Variants in FBXL17 observed in about 807,000 individuals in gnomAD.
The protein encoded by FBXL17 is F-box and leucine rich repeat protein 17, also known as F-box/LRR-repeat protein 17.
A neutral mutation model predicts 66.2 loss-of-function variants in FBXL17; 22 were observed. The observed-to-expected ratio is 0.33, with a 90% CI of 0.24 to 0.47. The LOEUF is 0.47. Ranked by LOEUF, FBXL17 falls within the 20% of genes least tolerant of loss-of-function variation. The probability of loss-of-function intolerance (pLI) is 1.00; values close to 1 mark genes in which losing one functional copy is unlikely to be tolerated. For missense variants in FBXL17, 878 were observed against 948.2 expected (o/e 0.93, Z 0.97); for synonymous variants, 474 against 400.5 (o/e 1.18, Z -2.19).
Position 108,154,605 on chromosome 5 carries a change from AAAT to A in FBXL17, c.1745+31509_1745+31511del, listed in dbSNP as rs1459389638. On this transcript the variant is annotated intron_variant, in intron 6 of 8. Coordinates refer to ENST00000542267, the MANE Select transcript of FBXL17 (RefSeq NM_001163315.3). ...AACTCAGTTTCAAAAAAAAAAAAAA[AAAT>A]ATATATATACACACACACACACACA... Among the ~76,000 whole-genome samples, 31 of 105,224 alleles carry A rather than the reference AAAT, an allele frequency of 2.9e-4. 1 individual carries two copies. The highest frequency in any genetic ancestry group is 1.3e-3 in the African/African-American group (31 of 24,664). 69.0% of individuals were successfully genotyped at this position (105,224 alleles called of 152,430 possible).
At chr5:108,269,345 C>T (rs1757171976) in intron 4 of FBXL17, among the ~76,000 whole-genome samples, 1 of 151,978 alleles carries the variant, frequency 6.6e-6, no homozygotes, top group South Asian at 2.1e-4. Flanking sequence ...GTTATGCAAG[C>T]GTTCAATCTT....
chr5:108,323,859 G>A (rs1474217461), intron 4 of FBXL17, among the ~76,000 whole-genome samples: 1 of 152,030 alleles, frequency 6.6e-6, no homozygotes, highest in East Asian at 1.9e-4. Flanking sequence ...TCAACAAATG[G>A]TGCTGGGAAA....
chr5:107,956,207 T>G (rs1288036264), intron 7 of FBXL17, among the ~76,000 whole-genome samples: 1 of 152,228 alleles, frequency 6.6e-6, no homozygotes, highest in Non-Finnish European at 1.5e-5. Context: ...AATAATTTTA[T>G]TAATATCTTT....
At chr5:107,900,867 A>G (rs1211225256) in intron 7 of FBXL17, among the ~76,000 whole-genome samples, 2 of 152,180 alleles carry the variant, frequency 1.3e-5, no homozygotes, top group African/African-American at 2.4e-5. Flanking sequence ...CAATGTACTT[A>G]ATTTCTTGAA....
chr5:108,368,915 T>TAA (rs373667446), intron 1 of FBXL17, among the ~76,000 whole-genome samples: 41,667 of 142,862 alleles, frequency 0.29, 6,461 homozygotes, highest in Middle Eastern at 0.37. Context: ...TACAAGGATT[T>TAA]AAAAAAAAAA....
At chr5:107,875,770 A>C (rs748217825) in intron 8 of FBXL17, among the ~76,000 whole-genome samples, 5 of 152,246 alleles carry the variant, frequency 3.3e-5, no homozygotes, top group Non-Finnish European at 7.3e-5. Flanking sequence ...GGGGCAGGTA[A>C]GGAGAAAGGT....
At chr5:108,048,575 G>A (rs2112817543) in intron 6 of FBXL17, among the ~76,000 whole-genome samples, 1 of 152,312 alleles carries the variant, frequency 6.6e-6, no homozygotes, top group Admixed American at 6.5e-5. Flanking sequence ...GGTTAGAGGA[G>A]CTGCTAACTA....
chr5:107,967,455 T>C (rs191596159), intron 7 of FBXL17, among the ~76,000 whole-genome samples: 95 of 146,130 alleles, frequency 6.5e-4, no homozygotes, highest in Non-Finnish European at 1.2e-3. Context: ...AAACAACATT[T>C]TCACTCATAG....
chr5:107,958,489 G>A (rs1751756210), intron 7 of FBXL17, among the ~76,000 whole-genome samples: 1 of 152,150 alleles, frequency 6.6e-6, no homozygotes, highest in Non-Finnish European at 1.5e-5. Flanking sequence ...AGAAAGAAAA[G>A]CTTAAATTAT....
At chr5:108,151,713 G>C (rs1038265305) in intron 6 of FBXL17, among the ~76,000 whole-genome samples, 1 of 152,126 alleles carries the variant, frequency 6.6e-6, no homozygotes, top group Non-Finnish European at 1.5e-5. Flanking sequence ...AAAATGGAAA[G>C]GCAATTTACA....
Position 107,908,281 on chromosome 5 carries a change from T to G in FBXL17, c.1823-27102A>C, listed in dbSNP as rs1749829115. Among the ~76,000 whole-genome samples the G allele has an allele frequency of 1.3e-5, 2 of 152,186 alleles. 1 individual carries two copies. Among genetic ancestry groups the G allele is most frequent in the Non-Finnish European group, 2.9e-5 (2 of 68,026 alleles). Reference sequence around the variant, plus strand: ...GATGTATTTTGGTTATTTAGTCAAGTTAGGTTATTTGCTAATTTCTCCAAT... The same window carrying G: ...GATGTATTTTGGTTATTTAGTCAAGGTAGGTTATTTGCTAATTTCTCCAAT... On this transcript the variant is annotated intron_variant, in intron 7 of 8. Transcript: ENST00000542267.
intron 4 of FBXL17, among the ~76,000 whole-genome samples, chr5:108,301,750 A>G (rs1050562651): frequency 6.6e-6 from 1 of 151,812 alleles, no homozygotes; most frequent in Non-Finnish European, 1.5e-5. Flanking sequence ...ACCAAGAGAC[A>G]GGATTTTTCC....
At chr5:107,944,422 A>T (rs900296297) in intron 7 of FBXL17, among the ~76,000 whole-genome samples, 1 of 152,172 alleles carries the variant, frequency 6.6e-6, no homozygotes, top group Non-Finnish European at 1.5e-5. Context: ...CCATCTTAAC[A>T]TTTCAAAGTT....
intron 7 of FBXL17, among the ~76,000 whole-genome samples, chr5:107,982,413 G>A (rs1012044588): frequency 8.6e-5 from 13 of 151,766 alleles, no homozygotes; most frequent in Non-Finnish European, 1.3e-4. Flanking sequence ...TATGAAGTGA[G>A]TACTCTTTGC....
At chr5:108,271,148 C>T (rs1757252121) in intron 4 of FBXL17, among the ~76,000 whole-genome samples, 1 of 151,182 alleles carries the variant, frequency 6.6e-6, no homozygotes, top group Non-Finnish European at 1.5e-5. Context: ...GGTACCTATA[C>T]CTAATCAAAT....
chr5:107,932,043 A>G (rs1337763181), intron 7 of FBXL17, among the ~76,000 whole-genome samples: 2 of 152,144 alleles, frequency 1.3e-5, no homozygotes, highest in African/African-American at 4.8e-5. Flanking sequence ...ATGAATCTGC[A>G]TTTTTAACAA....
intron 4 of FBXL17, among the ~76,000 whole-genome samples, chr5:108,347,760 G>C: frequency 6.6e-6 from 1 of 152,128 alleles, no homozygotes; most frequent in Non-Finnish European, 1.5e-5. Context: ...CATTGGTAAT[G>C]ACTGCACAAC....
chr5:108,177,559 A>G (rs1361656887), intron 6 of FBXL17, among the ~76,000 whole-genome samples: 2 of 152,084 alleles, frequency 1.3e-5, no homozygotes, highest in African/African-American at 4.8e-5. Flanking sequence ...AACCCGACAG[A>G]ATGCCAAAAC....
chr5:108,027,684 T>C (rs1056962200), intron 6 of FBXL17, among the ~76,000 whole-genome samples: 17 of 152,206 alleles, frequency 1.1e-4, no homozygotes, highest in Admixed American at 5.2e-4. Context: ...TGTTCCTACC[T>C]AGGAGCAGCA....
Sources: gnomAD v4.1 joint callset for allele counts (sites outside exome capture counted in the v4.1 genomes callset) on GRCh38, gnomAD v4.1.1 for gene constraint, MANE v1.5 for transcripts, NCBI Gene and HGNC (gene_info 2026-07-23, HGNC 2026-07-21) for gene names.